Variants in MED21 observed in about 807,000 individuals in gnomAD.
MED21 encodes mediator complex subunit 21.
A neutral mutation model predicts 18.2 loss-of-function variants in MED21; 9 were observed. The observed-to-expected ratio is 0.49, with a 90% CI of 0.30 to 0.86. The LOEUF (loss-of-function observed/expected upper bound fraction) is 0.86. MED21 is among the 40% of genes least tolerant of loss of function. The pLI is 0.07. For missense variants in MED21, 150 were observed against 170.9 expected (o/e 0.88, Z 0.68); for synonymous variants, 73 against 60.5 (o/e 1.21, Z -0.96).
chr12:27,027,434 C>T lies in MED21; in HGVS notation c.245C>T (p.Thr82Ile), dbSNP rs1941560776. Reference sequence around the variant, plus strand: ...GATTCCTTACCCAGTGAAGAATCTACAGCTGCTTTACAGGTAAGCCTCTAT... The same window carrying T: ...GATTCCTTACCCAGTGAAGAATCTATAGCTGCTTTACAGGTAAGCCTCTAT... ...LIDSLPSEES[T>I]AALQAASLYK... The change falls in exon 3 of 4, where the codon ACA (threonine) becomes ATA (isoleucine). Residue 82 changes from threonine (T) to isoleucine (I), a missense_variant. Transcript: ENST00000282892. 6.2e-7 allele frequency: 1 copy of T among 1,611,402 alleles called. No individual in the cohort carries two copies. Among genetic ancestry groups the T allele is most frequent in the African/African-American group, 1.3e-5 (1 of 74,994 alleles).
In MED21 at chr12:27,030,665, T is replaced by C. The variant is rs1941609483; in HGVS notation, c.*2204T>C. 2 of 152,724 alleles carry C rather than the reference T, an allele frequency of 1.3e-5. No homozygotes were observed. Among genetic ancestry groups the C allele is most frequent in the South Asian group, 4.1e-4 (2 of 4,836 alleles). 9.5% of individuals were successfully genotyped at this position (152,724 alleles called of 1,614,324 possible). A position where few individuals can be genotyped will look rare whatever the true frequency, so the allele number is the denominator to read the frequency against. On this transcript the variant is annotated 3_prime_UTR_variant, in exon 4 of 4. Coordinates refer to ENST00000282892, the MANE Select transcript of MED21 (RefSeq NM_004264.5). ...GCTTGTAATTAAAAATAGACCTTTA[T>C]TCACTAGACCTACAGTTTGCTTTTT...
downstream of MED21, among the ~76,000 whole-genome samples, chr12:27,031,196 T>C (rs1941616924): frequency 6.6e-6 from 1 of 152,166 alleles, no homozygotes; most frequent in South Asian, 2.1e-4. Flanking sequence ...CATGAGCCAC[T>C]GCACCCGGCC....
In MED21 at chr12:27,028,636, A is replaced by G. The variant is rs930984431; in HGVS notation, c.*175A>G. 22 of 1,279,212 alleles carry G rather than the reference A, an allele frequency of 1.7e-5. No individual in the cohort carries two copies. In the East Asian group the frequency reaches 2.5e-4, roughly 15 times the overall value. 79.2% of individuals were successfully genotyped at this position (1,279,212 alleles called of 1,614,324 possible). ...TTTTCACTCTTGATAAGCTTATAAA[A>G]TCATGATTGAATCAGCTTTAAAGCA... On this transcript the variant is annotated 3_prime_UTR_variant, in exon 4 of 4. Coordinates refer to ENST00000282892, the MANE Select transcript of MED21 (RefSeq NM_004264.5).
rs1941485260 is a variant in MED21, at chr12:27,022,615, G to A, written c.36G>A (p.Val12=). The A allele has an allele frequency of 1.9e-6, 3 of 1,592,672 alleles. No homozygotes were observed. Among genetic ancestry groups the A allele is most frequent in the Non-Finnish European group, 2.6e-6 (3 of 1,165,052 alleles). The change falls in exon 1 of 4, where the codon GTG becomes GTA. Residue 12 remains valine, a synonymous_variant. Transcript: ENST00000282892. ...ADRLTQLQDA[V]NSLADQFCNA... ...GGCTCACGCAGCTTCAGGACGCTGTGAATTCGGTGAGGAATTTCATTCGAT... is the reference window on the plus strand; with the variant it reads ...GGCTCACGCAGCTTCAGGACGCTGTAAATTCGGTGAGGAATTTCATTCGAT...
intron 2 of MED21, 57 bp from the exon 3 acceptor site, chr12:27,027,290 T>G (rs1330307042): frequency 2.4e-6 from 3 of 1,239,202 alleles, no homozygotes; most frequent in Non-Finnish European, 3.5e-6. Flanking sequence ...AACTTAAAAT[T>G]TGTTTCTGAA....
intron 3 of MED21, 51 bp downstream of exon 3, chr12:27,027,498 T>C (rs1024029622): frequency 7.4e-7 from 1 of 1,356,398 alleles, no homozygotes; most frequent in African/African-American, 1.4e-5. Flanking sequence ...AATTTTGAAT[T>C]AAAGGAGGTA....
downstream of MED21, among the ~76,000 whole-genome samples, chr12:27,031,401 TTC>T (rs1266867961): frequency 6.6e-6 from 1 of 152,118 alleles, no homozygotes; most frequent in African/African-American, 2.4e-5. Context: ...ACCCCAAAAT[TTC>T]TATGTCCTTG....
Position 27,029,007 on chromosome 12 carries a change from C to T in MED21, c.*546C>T. On this transcript the variant is annotated 3_prime_UTR_variant, in exon 4 of 4. Transcript: ENST00000282892. ...CACATTTATGCAAATGTTTCTTCTG[C>T]TAGAACCTCATACCTGTTCTAGTTC... is the stretch of plus-strand genomic sequence containing the variant. 2 of 985,472 alleles carry T rather than the reference C, an allele frequency of 2.0e-6. No homozygotes were observed. The highest frequency in any genetic ancestry group is 9.4e-5 in the South Asian group (2 of 21,292). The allele number at this position is 985,472 out of a possible 1,614,324, so 61.0% of individuals were successfully genotyped here.
chr12:27,027,411 T>G lies in MED21; in HGVS notation c.222T>G (p.Asp74Glu). ...CAAAAGACATTGATGTTTTGATAGA[T>G]TCCTTACCCAGTGAAGAATCTACAG... ...RTAKDIDVLI[D>E]SLPSEESTAA... is the part of the protein sequence containing the mutation. The change falls in exon 3 of 4, where the codon GAT (aspartate) becomes GAG (glutamate). Residue 74 changes from aspartate to glutamate, a missense_variant. Physicochemically the swap from Asp to Glu is conservative, Grantham distance 45. Coordinates refer to ENST00000282892, the MANE Select transcript of MED21 (RefSeq NM_004264.5). The G allele has an allele frequency of 2.5e-6, 4 of 1,613,784 alleles. No individual in the cohort carries two copies. Among genetic ancestry groups the G allele is most frequent in the Non-Finnish European group, 3.4e-6 (4 of 1,179,816 alleles).
chr12:27,026,361 A>G (rs1024318510), intron 1 of MED21, 59 bp from the exon 2 acceptor site: 93 of 1,051,968 alleles, frequency 8.8e-5, no homozygotes, highest in Non-Finnish European at 2.3e-5. Context: ...GCCATTACCA[A>G]TAAAGTCCTT....
intron 1 of MED21, chr12:27,022,971 G>C (rs1941492882): frequency 9.3e-7 from 1 of 1,071,116 alleles, no homozygotes; most frequent in East Asian, 5.8e-5. Flanking sequence ...CTTTCTTTTG[G>C]GGGTTGGGAG....
chr12:27,036,472 A>G (rs1225417407), intron 2 of MED21, among the ~76,000 whole-genome samples: 1 of 152,050 alleles, frequency 6.6e-6, no homozygotes, highest in Non-Finnish European at 1.5e-5. Flanking sequence ...TTTGGCTTTT[A>G]TTGCCATTGC....
In MED21 at chr12:27,030,299, T is replaced by C; in HGVS notation, c.*1838T>C. On this transcript the variant is annotated 3_prime_UTR_variant, in exon 4 of 4. Transcript: ENST00000282892. The stretch of plus-strand genomic sequence containing the variant: ...CATGTACTACCACGTCCAGCTAATT[T>C]TTTTTTTCTTTTTTTTTTAGAGATG... The C allele has an allele frequency of 1.4e-5, 7 of 493,198 alleles. No homozygotes were observed. Among genetic ancestry groups the C allele is most frequent in the Non-Finnish European group, 2.5e-5 (7 of 275,222 alleles). The allele number at this position is 493,198 out of a possible 1,614,324, so 30.6% of individuals were successfully genotyped here.
At position 27,027,334 on chromosome 12, in the gene MED21, T is replaced by C; in HGVS notation, c.158-13T>C. The C allele has an allele frequency of 6.3e-7, 1 of 1,587,590 alleles. No homozygotes were observed. Among genetic ancestry groups the C allele is most frequent in the Non-Finnish European group, 8.6e-7 (1 of 1,161,558 alleles). ...GTTTTCTAATATCCTAATCTAGCAG[T>C]ATCTTTCTCTAGAGTATGCCCAGCT... is the stretch of plus-strand genomic sequence containing the variant. On this transcript the variant is annotated splice_polypyrimidine_tract_variant and intron_variant, in intron 2 of 3. Coordinates refer to ENST00000282892, the MANE Select transcript of MED21 (RefSeq NM_004264.5).
rs1409847181 is a variant in MED21, at chr12:27,030,360, G to A, written c.*1899G>A. The A allele has an allele frequency of 7.0e-6, 3 of 430,540 alleles. No homozygotes were observed. Among genetic ancestry groups the A allele is most frequent in the African/African-American group, 6.0e-5 (3 of 49,864 alleles). 26.7% of individuals were successfully genotyped at this position (430,540 alleles called of 1,614,324 possible). A position where few individuals can be genotyped will look rare whatever the true frequency, so the allele number is the denominator to read the frequency against. ...CTGTTGCCCAGGCTAATGCCAAACT[G>A]CTAACCTCAAGATATTAATACTATA... is the stretch of plus-strand genomic sequence containing the variant. On this transcript the variant is annotated 3_prime_UTR_variant, in exon 4 of 4. Coordinates refer to ENST00000282892, the MANE Select transcript of MED21 (RefSeq NM_004264.5).
intron 2 of MED21, among the ~76,000 whole-genome samples, chr12:27,036,788 A>G (rs1207003290): frequency 6.6e-6 from 1 of 152,088 alleles, no homozygotes; most frequent in Non-Finnish European, 1.5e-5. Flanking sequence ...GTTCTGTTCC[A>G]TTGATTTATA....
chr12:27,038,055 C>T (rs1220396038), intron 2 of MED21: 1 of 152,112 alleles, frequency 6.6e-6, no homozygotes, highest in Non-Finnish European at 1.5e-5. Context: ...GACAGAGCTT[C>T]CTATTAAGAC....
In MED21 at chr12:27,028,293, C is replaced by T; in HGVS notation, c.267C>T (p.Ser89=). Residue 89 remains serine (S), a synonymous_variant, in exon 4 of 4, where the codon AGC becomes AGT. Transcript: ENST00000282892. ...EESTAALQAA[S]LYKLEEENHE... is the part of the protein sequence containing the mutation. ...ATTTGTGTCTTATAAAGGCTGCTAG[C>T]TTGTATAAGCTAGAAGAAGAAAACC... 6.2e-7 allele frequency: 1 copy of T among 1,612,708 alleles called. No individual in the cohort carries two copies.
chr12:27,029,501 T>G lies in MED21; in HGVS notation c.*1040T>G. The G allele has an allele frequency of 1.4e-5, 14 of 985,458 alleles. No homozygotes were observed. The highest frequency in any genetic ancestry group is 1.6e-5 in the Non-Finnish European group (13 of 829,926). 61.0% of individuals were successfully genotyped at this position (985,458 alleles called of 1,614,324 possible). On this transcript the variant is annotated 3_prime_UTR_variant, in exon 4 of 4. Transcript: ENST00000282892. ...CTGTATTTTTCAGAATATGCTGAGC[T>G]ACATTTGCTGCAATCTGTTGCTATT...
Sources: gnomAD v4.1 joint callset for allele counts (sites outside exome capture counted in the v4.1 genomes callset) on GRCh38, gnomAD v4.1.1 for gene constraint, MANE v1.5 for transcripts, NCBI Gene and HGNC (gene_info 2026-07-23, HGNC 2026-07-21) for gene names.